The following LYST variants were observed in gnomAD, a reference collection of about 807,000 sequenced individuals.
LYST encodes the protein lysosomal-trafficking regulator.
Under a neutral mutation model 413.6 loss-of-function variants are expected in LYST, and 192 were observed. That is an observed-to-expected ratio of 0.46 (90% CI 0.41 to 0.52). The LOEUF is 0.52. Ranked by LOEUF, LYST falls within the 20% of genes least tolerant of loss-of-function variation. The pLI, the probability that LYST is intolerant of heterozygous loss-of-function variation, is 0.00. For missense variants in LYST, 3,815 were observed against 4,499.9 expected, an observed-to-expected ratio of 0.85 and a Z score of 4.35; for synonymous variants, 1,525 against 1,567.3, an observed-to-expected ratio of 0.97 and a Z score of 0.64.
At chr1:235,739,622 G>A (rs200659952) in intron 31 of LYST, among the ~76,000 whole-genome samples, 11 of 140,814 alleles carry the variant, frequency 7.8e-5, no homozygotes, top group Non-Finnish European at 9.4e-5. Context: ...AAAAAAAATA[G>A]AAAAAAAAAA....
Position 235,729,603 on chromosome 1 carries a change from C to A in LYST, c.9099G>T (p.Leu3033Phe). The change falls in exon 37 of 53, where the codon TTG becomes TTT. Residue 3033 changes from leucine (L) to phenylalanine (F), a missense_variant. By Grantham distance (22) the Leu-to-Phe change is conservative. Transcript: ENST00000389793. Reference sequence around the variant, plus strand: ...CTTCAAAATTTGACTTACCTAGTAACAATTCACCAGCTGTCTCTCTAGATG... The same window carrying A: ...CTTCAAAATTTGACTTACCTAGTAAAAATTCACCAGCTGTCTCTCTAGATG... ...VAPSRETAGE[L>F]LLGKCGMYFV... 1 of 1,607,628 alleles carries A rather than the reference C, an allele frequency of 6.2e-7. No homozygotes were observed. The highest frequency in any genetic ancestry group is 8.5e-7 in the Non-Finnish European group (1 of 1,174,330).
At chr1:235,812,342 T>C (rs1234049213) in intron 4 of LYST, among the ~76,000 whole-genome samples, 1 of 151,738 alleles carries the variant, frequency 6.6e-6, no homozygotes, top group Non-Finnish European at 1.5e-5. Flanking sequence ...CATCTGTATG[T>C]ACTAAAATGC....
At chr1:235,786,428 G>A (rs1221634009) in intron 14 of LYST, among the ~76,000 whole-genome samples, 8 of 152,144 alleles carry the variant, frequency 5.3e-5, no homozygotes, top group Non-Finnish European at 1.2e-4. Flanking sequence ...TGGAGAAATA[G>A]GAACACTTTT....
chr1:235,862,771 G>A (rs1348054187), intron 1 of LYST, among the ~76,000 whole-genome samples: 1 of 150,930 alleles, frequency 6.6e-6, no homozygotes, highest in Non-Finnish European at 1.5e-5. Context: ...ACTCTGGCCT[G>A]GGCAACACAG....
intron 4 of LYST, 98 bp from the exon 5 acceptor site, chr1:235,810,632 G>A: frequency 9.2e-7 from 1 of 1,086,578 alleles, no homozygotes; most frequent in Non-Finnish European, 1.4e-6. Flanking sequence ...CCCACTAAAG[G>A]AGTTTATCCT....
At chr1:235,775,274 C>G (rs1156843231) in intron 17 of LYST, among the ~76,000 whole-genome samples, 188 bp from the exon 18 acceptor site, 1 of 152,064 alleles carries the variant, frequency 6.6e-6, no homozygotes, top group Non-Finnish European at 1.5e-5. Context: ...ACTCCATGTT[C>G]TATAGTCTCT....
intron 41 of LYST, among the ~76,000 whole-genome samples, chr1:235,716,143 T>C (rs891119386): frequency 6.6e-6 from 1 of 152,204 alleles, no homozygotes; most frequent in African/African-American, 2.4e-5. Flanking sequence ...ATGTGATGAA[T>C]ATGAGAAAAG....
chr1:235,865,531 G>A (rs1266949282), intron 1 of LYST, among the ~76,000 whole-genome samples: 1 of 152,160 alleles, frequency 6.6e-6, no homozygotes, highest in Non-Finnish European at 1.5e-5. Flanking sequence ...TATAGTTTGT[G>A]AAGTATTTTT....
chr1:235,841,148 A>G (rs1212194971), intron 1 of LYST, among the ~76,000 whole-genome samples: 1 of 152,218 alleles, frequency 6.6e-6, no homozygotes, highest in African/African-American at 2.4e-5. Flanking sequence ...AATTTCAGCA[A>G]TGCTCAAAAT....
chr1:235,786,939 C>T (rs1378475291), intron 14 of LYST: 2 of 307,658 alleles, frequency 6.5e-6, no homozygotes, highest in South Asian at 6.0e-5. Context: ...AGGAGATATA[C>T]CTAATGTAAA....
chr1:235,823,973 C>T (rs541975263), intron 3 of LYST, among the ~76,000 whole-genome samples: 5 of 152,282 alleles, frequency 3.3e-5, no homozygotes, highest in South Asian at 2.1e-4. Context: ...TAATGGTCTG[C>T]TGAGTAAAGC....
At chr1:235,735,929 G>A (rs892652426) in intron 31 of LYST, 7 of 151,952 alleles carry the variant, frequency 4.6e-5, no homozygotes, top group Non-Finnish European at 8.8e-5. Flanking sequence ...AAATAAAAAC[G>A]GTACATGACT....
intron 44 of LYST, among the ~76,000 whole-genome samples, chr1:235,704,568 CTGTT>C (rs1313004053): frequency 6.6e-6 from 1 of 152,076 alleles, no homozygotes; most frequent in Non-Finnish European, 1.5e-5. Context: ...TGAAATGTGT[CTGTT>C]TATGTCCTTT....
At chr1:235,798,560 A>T (rs1300537074) in intron 10 of LYST, among the ~76,000 whole-genome samples, 1 of 140,346 alleles carries the variant, frequency 7.1e-6, no homozygotes, top group Admixed American at 7.3e-5. Context: ...CCTTGGCGAC[A>T]AGGGCAAAAC....
At chr1:235,838,486 C>T (rs894278981) in intron 1 of LYST, among the ~76,000 whole-genome samples, 2 of 152,126 alleles carry the variant, frequency 1.3e-5, no homozygotes, top group Non-Finnish European at 2.9e-5. Flanking sequence ...GCCTACATAG[C>T]CTTTATTGCT....
At chr1:235,700,188 T>C (rs1191659141) in intron 45 of LYST, among the ~76,000 whole-genome samples, 2 of 152,172 alleles carry the variant, frequency 1.3e-5, no homozygotes, top group Admixed American at 6.5e-5. Flanking sequence ...AAAGATTTCA[T>C]GACGAAAAGG....
intron 10 of LYST, among the ~76,000 whole-genome samples, chr1:235,798,578 T>TAAAAAAAAAAAAAAAAAAAAAA (rs71174462): frequency 8.6e-5 from 7 of 81,714 alleles, no homozygotes; most frequent in Non-Finnish European, 9.7e-5. Flanking sequence ...AACCCTGTCA[T>TAAAAAAAAAAAAAAAAAAAAAA]AAAAAAAAAA....
At chr1:235,758,562 T>A (rs1402873391) in intron 23 of LYST, among the ~76,000 whole-genome samples, 3 of 152,216 alleles carry the variant, frequency 2.0e-5, no homozygotes, top group Non-Finnish European at 4.4e-5. Context: ...CACTTGTCTC[T>A]GATCAAGTAA....
Position 235,800,953 on chromosome 1 carries a change from A to G in LYST, c.3857T>C (p.Leu1286Pro), listed in dbSNP as rs751038938. Residue 1286 changes from leucine (L) to proline (P), a missense_variant, in exon 9 of 53, where the codon CTT becomes CCT. Physicochemically the swap from Leu to Pro is moderately conservative, Grantham distance 98. Coordinates refer to ENST00000389793, the MANE Select transcript of LYST (RefSeq NM_000081.4). ...CTCAAATACATGGGCAAGCACATCA[A>G]GTTTGGCTTTACTAGCAGAAAGCAA... ...LNLLSASKAKLDVLAHVFESF... is the reference protein window; with the variant it reads ...LNLLSASKAKPDVLAHVFESF... 1 of 1,613,860 alleles carries G rather than the reference A, an allele frequency of 6.2e-7. No homozygotes were observed. The highest frequency in any genetic ancestry group is 2.2e-5 in the East Asian group (1 of 44,792).
Sources: gnomAD v4.1 joint callset for allele counts (sites outside exome capture counted in the v4.1 genomes callset) on GRCh38, gnomAD v4.1.1 for gene constraint, MANE v1.5 for transcripts, NCBI Gene and HGNC (gene_info 2026-07-23, HGNC 2026-07-21) for gene names.